Variants in TSPAN11 observed in about 807,000 individuals in gnomAD.
The protein encoded by TSPAN11 is tetraspanin 11.
A neutral mutation model predicts 32.9 loss-of-function variants in TSPAN11; 29 were observed. The ratio of observed to expected loss-of-function variants is 0.88; its 90% CI spans 0.66 to 1.20. The LOEUF (loss-of-function observed/expected upper bound fraction) is 1.20. TSPAN11 is among the 50% of genes most tolerant of loss of function. The probability of loss-of-function intolerance (pLI) is 0.00; values close to 1 mark genes in which losing one functional copy is unlikely to be tolerated. For synonymous variants in TSPAN11, 140 were observed against 141.3 expected, an observed-to-expected ratio of 0.99 and a Z score of 0.07; for missense variants, 283 against 329.1, an observed-to-expected ratio of 0.86 and a Z score of 1.08.
chr12:30,967,922 G>A (rs371326633), intron 3 of TSPAN11, among the ~76,000 whole-genome samples: 6 of 151,966 alleles, frequency 3.9e-5, no homozygotes, highest in South Asian at 2.1e-4. Flanking sequence ...CCAACAGCCC[G>A]TGAAGCATCG....
chr12:30,955,816 C>G (rs903039949), intron 2 of TSPAN11, among the ~76,000 whole-genome samples: 1 of 152,228 alleles, frequency 6.6e-6, no homozygotes, highest in South Asian at 2.1e-4. Context: ...TTTCTTCTTA[C>G]AAGGACACCA....
intron 7 of TSPAN11, among the ~76,000 whole-genome samples, chr12:30,988,848 A>G (rs937394238): frequency 1.3e-5 from 2 of 152,254 alleles, no homozygotes; most frequent in Admixed American, 6.5e-5. Flanking sequence ...TCCAGCTCAC[A>G]GGCCTGCTTC....
chr12:30,944,501 C>A (rs543241801), intron 1 of TSPAN11, among the ~76,000 whole-genome samples: 1 of 152,104 alleles, frequency 6.6e-6, no homozygotes, highest in Non-Finnish European at 1.5e-5. Flanking sequence ...TGGCTTATTT[C>A]GCTTAACATA....
At chr12:30,980,660 A>G (rs1939071588) in intron 5 of TSPAN11, among the ~76,000 whole-genome samples, 1 of 151,870 alleles carries the variant, frequency 6.6e-6, no homozygotes, top group South Asian at 2.1e-4. Flanking sequence ...GATCAACTGG[A>G]AGGCCCCTCC....
At chr12:30,989,370 G>A (rs73099705) in intron 7 of TSPAN11, among the ~76,000 whole-genome samples, 8,976 of 152,244 alleles carry the variant, frequency 0.059, 358 homozygotes, top group South Asian at 0.085. Flanking sequence ...AGGGAATAGC[G>A]TGTGCAAAGC....
chr12:30,994,006 C>G lies in TSPAN11; in HGVS notation c.*2091C>G, dbSNP rs1939368346. ...GATGGTTGGTCCAGCCTGACTGGGG[C>G]AGGATTAGCTGCAATTCCTGCCCTG... On this transcript the variant is annotated 3_prime_UTR_variant, in exon 8 of 8. Transcript: ENST00000546076. 6.6e-6 allele frequency: 1 copy of G among 152,292 alleles called. No individual in the cohort carries two copies. The highest frequency in any genetic ancestry group is 1.5e-5 in the Non-Finnish European group (1 of 68,076). The allele number at this position is 152,292 out of a possible 1,614,324, so 9.4% of individuals were successfully genotyped here. A position where few individuals can be genotyped will look rare whatever the true frequency, so the allele number is the denominator to read the frequency against.
chr12:30,940,204 T>G (rs1034361913), intron 1 of TSPAN11, among the ~76,000 whole-genome samples: 2 of 152,210 alleles, frequency 1.3e-5, no homozygotes, highest in East Asian at 1.9e-4. Context: ...TACCTTTGAC[T>G]TAGGTTCCTT....
Position 30,945,948 on chromosome 12 carries a change from T to C in TSPAN11, c.-11-8033T>C, listed in dbSNP as rs185251277. ...CGCTGAGGCCCATTACCAGGATATC[T>C]GGGAAATCCTTGACATTTCAACAGG... On this transcript the variant is annotated intron_variant, in intron 1 of 7. Transcript: ENST00000546076. Among the ~76,000 whole-genome samples the C allele has an allele frequency of 1.7e-4, 26 of 152,318 alleles. No individual in the cohort carries two copies. The East Asian group carries it at 3.9e-3, about 23-fold the overall frequency.
At chr12:30,966,413 G>A (rs533735650) in intron 3 of TSPAN11, among the ~76,000 whole-genome samples, 154 of 152,298 alleles carry the variant, frequency 1.0e-3, no homozygotes, top group Admixed American at 2.9e-3. Context: ...AGAAAAATGC[G>A]AAGTTTTAAA....
At chr12:30,943,607 T>A (rs1353897657) in intron 1 of TSPAN11, among the ~76,000 whole-genome samples, 1 of 152,224 alleles carries the variant, frequency 6.6e-6, no homozygotes, top group Non-Finnish European at 1.5e-5. Context: ...ATCTGCAGTG[T>A]GACTTTGGCC....
chr12:30,954,129 C>T (rs535491985), intron 2 of TSPAN11, 54 bp downstream of exon 2: 1 of 1,407,156 alleles, frequency 7.1e-7, no homozygotes, highest in South Asian at 1.2e-5. Flanking sequence ...TGAGTCAAGC[C>T]ACCTTTTGTT....
rs533010524 is a variant in TSPAN11 at position 30,977,622 on chromosome 12, C to T, written c.277-939C>T. ...CTGTAGCCAGCTTCATCCCCCTCTC[C>T]GTGCTCCTCCAGGGTGGGGAGAGAG... is the stretch of plus-strand genomic sequence containing the variant. On this transcript the variant is annotated intron_variant, in intron 3 of 7. Coordinates refer to ENST00000546076, the MANE Select transcript of TSPAN11 (RefSeq NM_001370302.1). Among the ~76,000 whole-genome samples, 11 of 152,272 alleles carry T rather than the reference C, an allele frequency of 7.2e-5. No individual in the cohort carries two copies. In the South Asian group the frequency reaches 1.0e-3, roughly 14 times the overall value.
intron 1 of TSPAN11, among the ~76,000 whole-genome samples, chr12:30,933,215 C>A (rs996534843): frequency 6.6e-6 from 1 of 152,210 alleles, no homozygotes; most frequent in Non-Finnish European, 1.5e-5. Context: ...CTGGGTGATC[C>A]TTGTCCTCTA....
chr12:30,957,524 C>T (rs950665254), intron 2 of TSPAN11, among the ~76,000 whole-genome samples: 22 of 152,256 alleles, frequency 1.4e-4, no homozygotes, highest in East Asian at 5.8e-4. Flanking sequence ...TCCTAATTTC[C>T]GCTCTCCATG....
chr12:30,957,913 C>G (rs895306154), intron 2 of TSPAN11, among the ~76,000 whole-genome samples: 1 of 146,594 alleles, frequency 6.8e-6, no homozygotes, highest in Non-Finnish European at 1.5e-5. Flanking sequence ...GTGTAGCCCT[C>G]TGCTAGGGAT....
intron 1 of TSPAN11, among the ~76,000 whole-genome samples, chr12:30,945,208 G>A (rs999431857): frequency 9.2e-5 from 14 of 152,022 alleles, no homozygotes; most frequent in African/African-American, 3.4e-4. Context: ...CTGTCTGGCA[G>A]AATGAACACC....
At chr12:30,933,282 T>C (rs1004769472) in intron 1 of TSPAN11, among the ~76,000 whole-genome samples, 1 of 151,544 alleles carries the variant, frequency 6.6e-6, no homozygotes, top group African/African-American at 2.4e-5. Flanking sequence ...CTGCACAAGG[T>C]CCCCCAGCCA....
At chr12:30,991,766 G>A (rs1455362030) in intron 7 of TSPAN11, 90 bp from the exon 8 acceptor site, 14 of 1,411,952 alleles carry the variant, frequency 9.9e-6, no homozygotes, top group Admixed American at 1.7e-5. Context: ...CAGGGTATTC[G>A]AGTGAGCAGC....
At chr12:30,966,861 G>A (rs142815903) in intron 3 of TSPAN11, among the ~76,000 whole-genome samples, 259 of 152,332 alleles carry the variant, frequency 1.7e-3, no homozygotes, top group African/African-American at 5.7e-3. Context: ...TCAGTGCCTC[G>A]TTGCTCCCAT....
Sources: gnomAD v4.1 joint callset for allele counts (sites outside exome capture counted in the v4.1 genomes callset) on GRCh38, gnomAD v4.1.1 for gene constraint, MANE v1.5 for transcripts, NCBI Gene and HGNC (gene_info 2026-07-23, HGNC 2026-07-21) for gene names.